Variants in GNAO1 observed in about 807,000 individuals in gnomAD.
GNAO1 encodes the protein G protein subunit alpha o1.
For missense variants in GNAO1, 166 were observed against 478.7 expected (o/e 0.35, Z 6.10); for synonymous variants, 164 against 180.7 (o/e 0.91, Z 0.74).
chr16:56,277,326 C>T (rs554341416), intron 3 of GNAO1, among the ~76,000 whole-genome samples: 5 of 152,214 alleles, frequency 3.3e-5, no homozygotes, highest in Admixed American at 1.3e-4. Context: ...GGTTTGGTCA[C>T]GGAGCCAGGG....
intron 3 of GNAO1, among the ~76,000 whole-genome samples, chr16:56,285,221 C>T (rs982140219): frequency 7.2e-5 from 11 of 152,186 alleles, no homozygotes; most frequent in African/African-American, 2.7e-4. Context: ...CGCTTGTGTG[C>T]TCTCTTTCTG....
intron 3 of GNAO1, among the ~76,000 whole-genome samples, chr16:56,314,362 C>T (rs1370045475): frequency 5.3e-5 from 8 of 152,164 alleles, no homozygotes; most frequent in African/African-American, 1.9e-4. Flanking sequence ...GCTTGCCGCT[C>T]AGGCTTTTCA....
At chr16:56,235,485 C>T (rs1218842087) in intron 2 of GNAO1, 5 of 450,248 alleles carry the variant, frequency 1.1e-5, no homozygotes, top group Non-Finnish European at 2.2e-5. Flanking sequence ...TTCCCTTTGG[C>T]TCCTGGCACC....
At chr16:56,207,984 C>T (rs926859155) in intron 2 of GNAO1, among the ~76,000 whole-genome samples, 12 of 152,192 alleles carry the variant, frequency 7.9e-5, no homozygotes, top group African/African-American at 2.9e-4. Context: ...CTGCCTCACT[C>T]CTTACTACCT....
chr16:56,312,458 C>T (rs1389692997), intron 3 of GNAO1, among the ~76,000 whole-genome samples: 1 of 152,184 alleles, frequency 6.6e-6, no homozygotes, highest in African/African-American at 2.4e-5. Context: ...TATCTGAGTC[C>T]CAAGGCTCAC....
chr16:56,330,351 G>A (rs965162569), intron 4 of GNAO1, among the ~76,000 whole-genome samples: 11 of 152,066 alleles, frequency 7.2e-5, no homozygotes, highest in African/African-American at 9.7e-5. Context: ...CCTCCTCCCC[G>A]AGGGCCAGCA....
Position 56,351,591 on chromosome 16 carries a change from T to G in GNAO1, c.877+54T>G. 2.1e-6 allele frequency: 3 copies of G among 1,447,924 alleles called. No individual in the cohort carries two copies. Among genetic ancestry groups the G allele is most frequent in the Admixed American group, 1.7e-5 (1 of 59,012 alleles). 89.7% of individuals were successfully genotyped at this position (1,447,924 alleles called of 1,614,324 possible). ...GAAGCCTGCCCCTGACAGGGACCCA[T>G]GGCTCAGAGAACAGGCTGCTCGGCC... On this transcript the variant is annotated intron_variant, in intron 7 of 8. Transcript: ENST00000262493. The surrounding 1 kb of genome is among the most constrained non-coding windows in gnomAD (Gnocchi z 6.1).
chr16:56,194,158 G>C, intron 2 of GNAO1: 1 of 456,492 alleles, frequency 2.2e-6, no homozygotes. Context: ...ATTTTTATTC[G>C]AGAGCTCCCT....
chr16:56,309,809 T>TG (rs2037436489), intron 3 of GNAO1, among the ~76,000 whole-genome samples: 1 of 152,218 alleles, frequency 6.6e-6, no homozygotes, highest in Non-Finnish European at 1.5e-5. Context: ...TGCTGGGTGC[T>TG]GGGGCAGTCC....
chr16:56,289,354 G>A (rs913818122), intron 3 of GNAO1, among the ~76,000 whole-genome samples: 4 of 152,190 alleles, frequency 2.6e-5, no homozygotes, highest in Admixed American at 6.5e-5. Context: ...TCTAAGACGG[G>A]AGTATAGCCC....
rs570205888 is a variant in GNAO1 at position 56,326,216 on chromosome 16, G to A, written c.304-2415G>A. Among the ~76,000 whole-genome samples the A allele has an allele frequency of 3.9e-5, 6 of 152,304 alleles. No homozygotes were observed. The highest frequency in any genetic ancestry group is 2.1e-4 in the South Asian group (1 of 4,822). Reference sequence around the variant, plus strand: ...CACCCTGAGGCGTGGTGCCCCAGGCGGGCAGTAGTCACTAGGCAGGGGTGT... The same window carrying A: ...CACCCTGAGGCGTGGTGCCCCAGGCAGGCAGTAGTCACTAGGCAGGGGTGT... On this transcript the variant is annotated intron_variant, in intron 3 of 8. Transcript: ENST00000262493. The surrounding 1 kb of genome is among the most constrained non-coding windows in gnomAD (Gnocchi z 4.8).
At chr16:56,246,366 G>C (rs1170964305) in intron 2 of GNAO1, among the ~76,000 whole-genome samples, 1 of 152,232 alleles carries the variant, frequency 6.6e-6, no homozygotes, top group East Asian at 1.9e-4. Flanking sequence ...CTTTTCCTGG[G>C]AATGTCTGTT....
chr16:56,336,934 A>G (rs2037745979), intron 6 of GNAO1, 74 bp downstream of exon 6: 5 of 1,448,882 alleles, frequency 3.5e-6, no homozygotes, highest in African/African-American at 1.4e-5. Context: ...CCCTCTGAGC[A>G]CTGGGCCTCG....
At chr16:56,340,684 T>C in intron 6 of GNAO1, 1 of 705,734 alleles carries the variant, frequency 1.4e-6, no homozygotes, top group Non-Finnish European at 2.5e-6. Context: ...TTGTGGGTCC[T>C]CCCGTCTCCG....
At chr16:56,235,761 C>CT (rs1310551275) in intron 2 of GNAO1, among the ~76,000 whole-genome samples, 1 of 152,170 alleles carries the variant, frequency 6.6e-6, no homozygotes, top group Non-Finnish European at 1.5e-5. Context: ...GTGGCCCAGC[C>CT]TTGTAGGTAG....
At chr16:56,323,951 A>C (rs2037603064) in intron 3 of GNAO1, among the ~76,000 whole-genome samples, 1 of 152,104 alleles carries the variant, frequency 6.6e-6, no homozygotes, top group Admixed American at 6.5e-5. Flanking sequence ...ACTCAGTGAA[A>C]TCAAGCAGGT....
intron 2 of GNAO1, among the ~76,000 whole-genome samples, chr16:56,275,174 A>G (rs748439322): frequency 2.0e-5 from 3 of 152,234 alleles, no homozygotes; most frequent in Non-Finnish European, 2.9e-5. Context: ...CTCTTTCTGG[A>G]TTACTTTAGT....
intron 3 of GNAO1, among the ~76,000 whole-genome samples, chr16:56,304,742 A>C (rs1263800440): frequency 6.6e-6 from 1 of 152,262 alleles, no homozygotes; most frequent in Non-Finnish European, 1.5e-5. Flanking sequence ...CCACCCCAGA[A>C]GACAGCCCTG....
chr16:56,313,460 A>G (rs2037478642), intron 3 of GNAO1, among the ~76,000 whole-genome samples: 2 of 152,200 alleles, frequency 1.3e-5, no homozygotes, highest in South Asian at 4.1e-4. Context: ...AAAATATTTT[A>G]GTAAGGAGAA....
Sources: allele counts gnomAD v4.1 joint callset (sites outside exome capture counted in the v4.1 genomes callset), GRCh38; gene constraint gnomAD v4.1.1; non-coding constraint Gnocchi (gnomAD v3.1); transcripts MANE v1.5; gene names NCBI Gene and HGNC (gene_info 2026-07-23, HGNC 2026-07-21).